Variants in SYT1 observed in about 807,000 individuals in gnomAD.
SYT1 encodes synaptotagmin-1.
Under a neutral mutation model 44.8 loss-of-function variants are expected in SYT1, and 8 were observed. The ratio of observed to expected loss-of-function variants is 0.18; its 90% CI spans 0.10 to 0.32. The LOEUF is 0.32. SYT1 is among the 10% of genes least tolerant of loss of function. The pLI, the probability that SYT1 is intolerant of heterozygous loss-of-function variation, is 1.00. For synonymous variants in SYT1, 154 were observed against 188.8 expected, an observed-to-expected ratio of 0.82 and a Z score of 1.51; for missense variants, 286 against 509.3, an observed-to-expected ratio of 0.56 and a Z score of 4.22.
intron 1 of SYT1, among the ~76,000 whole-genome samples, chr12:78,967,769 A>G (rs993367563): frequency 2.6e-5 from 4 of 152,302 alleles, no homozygotes; most frequent in Admixed American, 2.6e-4. Flanking sequence ...AGAAGATTAT[A>G]GAAATAGGAA....
rs566155703 is a variant in SYT1, at chr12:79,164,796, T to C, written c.-17-52707T>C. 2.6e-5 allele frequency among the ~76,000 whole-genome samples: 4 copies of C among 152,146 alleles called. No individual in the cohort carries two copies. In the East Asian group the frequency reaches 7.8e-4, roughly 30 times the overall value. On this transcript the variant is annotated intron_variant, in intron 3 of 10. Transcript: ENST00000261205. ...AGAAATATCCAGCTTTTACATTTAA[T>C]AAATAAGAAATGGCAAATGAACAAA...
At chr12:78,994,735 CCTT>C (rs1359160264) in intron 2 of SYT1, among the ~76,000 whole-genome samples, 1 of 151,940 alleles carries the variant, frequency 6.6e-6, no homozygotes, top group Non-Finnish European at 1.5e-5. Flanking sequence ...CGGGGTTTCA[CCTT>C]CTTGGCCAGG....
intron 3 of SYT1, among the ~76,000 whole-genome samples, chr12:79,179,327 G>T (rs1872251966): frequency 9.1e-6 from 1 of 110,138 alleles, no homozygotes; most frequent in Non-Finnish European, 1.7e-5. Context: ...TATAGATATA[G>T]ATATAGATAT....
intron 3 of SYT1, among the ~76,000 whole-genome samples, chr12:79,090,076 T>G (rs1179237411): frequency 2.6e-5 from 4 of 152,142 alleles, no homozygotes; most frequent in Non-Finnish European, 5.9e-5. Context: ...TACTTTTTCC[T>G]GAGACTTGTC....
intron 1 of SYT1, among the ~76,000 whole-genome samples, chr12:78,872,235 A>G (rs966378408): frequency 6.6e-6 from 1 of 151,980 alleles, no homozygotes; most frequent in Non-Finnish European, 1.5e-5. Context: ...AGTACTTGAT[A>G]TGCAAGTTTC....
At chr12:79,375,374 G>T (rs1565931559) in intron 9 of SYT1, among the ~76,000 whole-genome samples, 1 of 152,206 alleles carries the variant, frequency 6.6e-6, no homozygotes, top group Non-Finnish European at 1.5e-5. Flanking sequence ...GTACAAAACA[G>T]ATCGTGTAGT....
At chr12:78,910,949 C>A (rs964579116) in intron 1 of SYT1, among the ~76,000 whole-genome samples, 2 of 151,934 alleles carry the variant, frequency 1.3e-5, no homozygotes, top group Non-Finnish European at 2.9e-5. Context: ...TGCAGAAAGG[C>A]ATGTGTAAGA....
intron 10 of SYT1, 46 bp downstream of exon 10, chr12:79,444,252 C>G: frequency 6.2e-7 from 1 of 1,606,140 alleles, no homozygotes; most frequent in South Asian, 1.1e-5. Context: ...TTCATTCCTT[C>G]AGACCACATA....
intron 3 of SYT1, among the ~76,000 whole-genome samples, chr12:79,052,446 GC>G (rs1399497113): frequency 6.6e-6 from 1 of 152,124 alleles, no homozygotes; most frequent in African/African-American, 2.4e-5. Context: ...ATATGCATGG[GC>G]AAGGACTTCA....
At chr12:79,333,216 G>A (rs1881936021) in intron 8 of SYT1, among the ~76,000 whole-genome samples, 1 of 152,180 alleles carries the variant, frequency 6.6e-6, no homozygotes, top group Non-Finnish European at 1.5e-5. Context: ...AGTCTGAGAT[G>A]AAGGTGCCAG....
intron 2 of SYT1, among the ~76,000 whole-genome samples, chr12:79,015,109 C>T (rs1871717319): frequency 1.3e-5 from 2 of 151,562 alleles, no homozygotes; most frequent in East Asian, 3.9e-4. Context: ...ATACCTAATG[C>T]TAAATGATGA....
At chr12:79,178,869 C>T (rs1311141706) in intron 3 of SYT1, among the ~76,000 whole-genome samples, 1 of 148,190 alleles carries the variant, frequency 6.7e-6, no homozygotes. Context: ...TCTCCTCAGC[C>T]TCCTGAGTAG....
At chr12:79,403,018 A>T (rs1363104686) in intron 9 of SYT1, among the ~76,000 whole-genome samples, 1 of 152,228 alleles carries the variant, frequency 6.6e-6, no homozygotes. Context: ...CTTCAGGAGG[A>T]AAGATAGCCC....
chr12:79,014,122 C>CAAAAAAA (rs1358787041), intron 2 of SYT1, among the ~76,000 whole-genome samples: 2 of 39,728 alleles, frequency 5.0e-5, no homozygotes, highest in African/African-American at 7.7e-5. Flanking sequence ...AGACTCTCTC[C>CAAAAAAA]AAAAAAAAAA....
At chr12:78,935,786 G>A (rs1320119633) in intron 1 of SYT1, among the ~76,000 whole-genome samples, 1 of 151,952 alleles carries the variant, frequency 6.6e-6, no homozygotes, top group Non-Finnish European at 1.5e-5. Context: ...TTATTCCTAG[G>A]TTACTAAGTA....
intron 4 of SYT1, among the ~76,000 whole-genome samples, chr12:79,280,412 A>T (rs929420784): frequency 6.6e-6 from 1 of 152,146 alleles, no homozygotes; most frequent in African/African-American, 2.4e-5. Context: ...TCGATATCCT[A>T]TTCAACAAAT....
intron 3 of SYT1, among the ~76,000 whole-genome samples, chr12:79,168,862 G>A (rs1011852835): frequency 6.6e-6 from 1 of 152,000 alleles, no homozygotes; most frequent in South Asian, 2.1e-4. Flanking sequence ...ATAATCAACA[G>A]TCAAGTTTCT....
At chr12:78,875,049 T>G (rs2137041602) in intron 1 of SYT1, among the ~76,000 whole-genome samples, 1 of 151,682 alleles carries the variant, frequency 6.6e-6, no homozygotes, top group East Asian at 1.9e-4. Context: ...TGCGTGTAAA[T>G]GAGAATTTCA....
At chr12:79,245,676 A>G (rs1309640898) in intron 4 of SYT1, among the ~76,000 whole-genome samples, 3 of 152,088 alleles carry the variant, frequency 2.0e-5, no homozygotes, top group Admixed American at 1.3e-4. Context: ...TCTGGGGAGC[A>G]ACTCAGGGGA....
Sources: gnomAD v4.1 joint callset for allele counts (sites outside exome capture counted in the v4.1 genomes callset) on GRCh38, gnomAD v4.1.1 for gene constraint, MANE v1.5 for transcripts, NCBI Gene and HGNC (gene_info 2026-07-23, HGNC 2026-07-21) for gene names.